Variants in TLDC2 observed in about 807,000 individuals in gnomAD.
The protein encoded by TLDC2 is TLD domain-containing protein 2.
TLDC2 carries 23 observed loss-of-function variants against 27.9 expected under a neutral mutation model. That is an observed-to-expected ratio of 0.82 (90% CI 0.59 to 1.17). The LOEUF is 1.17. Ranked by LOEUF, TLDC2 falls within the 50% of genes most tolerant of loss-of-function variation. TLDC2 has a pLI of 0.00. For missense variants in TLDC2, 286 were observed against 273.4 expected (o/e 1.05, Z -0.32); for synonymous variants, 124 against 107.4 (o/e 1.16, Z -0.96).
Position 36,882,792 on chromosome 20 carries a change from A to G in TLDC2, c.438+2042A>G, listed in dbSNP as rs529023667. 3.9e-5 allele frequency among the ~76,000 whole-genome samples: 6 copies of G among 152,304 alleles called. 1 individual carries two copies. The South Asian group carries it at 6.2e-4, about 16-fold the overall frequency. ...AGGAAAGGGTGAGGGAGGCATGGTG[A>G]GCCAGTGCTGGTACTACTCATCACC... On this transcript the variant is annotated intron_variant, in intron 4 of 6. Transcript: ENST00000217320.
chr20:36,888,151 A>G (rs1200183453), intron 5 of TLDC2, among the ~76,000 whole-genome samples: 1 of 152,094 alleles, frequency 6.6e-6, no homozygotes, highest in Non-Finnish European at 1.5e-5. Flanking sequence ...TCTGTCAAAT[A>G]AGGGGATTAG....
Position 36,880,732 on chromosome 20 carries a change from C to T in TLDC2, c.420C>T (p.Ser140=). ...GTACTGGCGAGACATTCCTCTTCTC[C>T]TTCTCCCCACAGCTGAAGGTGATGT... ...FYGTGETFLF[S]FSPQLKVFKW... is the part of the protein sequence containing the mutation. The change falls in exon 4 of 7, where the codon TCC becomes TCT. Residue 140 remains serine, a synonymous_variant. Transcript: ENST00000217320. 1 of 1,613,420 alleles carries T rather than the reference C, an allele frequency of 6.2e-7. No individual in the cohort carries two copies. Among genetic ancestry groups the T allele is most frequent in the Non-Finnish European group, 8.5e-7 (1 of 1,179,942 alleles).
At chr20:36,889,102 A>G (rs1320053422) in intron 5 of TLDC2, 149 bp from the exon 6 acceptor site, 24 of 954,838 alleles carry the variant, frequency 2.5e-5, no homozygotes, top group South Asian at 7.2e-5. Context: ...TGAGTCCCCA[A>G]TAATTCAGTA....
At chr20:36,889,429 C>T (rs1231828926) in intron 6 of TLDC2, 26 bp downstream of exon 6, 2 of 1,600,024 alleles carry the variant, frequency 1.2e-6, no homozygotes, top group Admixed American at 1.7e-5. Flanking sequence ...CATGATGCCA[C>T]CCAGGCCTTC....
intron 4 of TLDC2, among the ~76,000 whole-genome samples, chr20:36,881,394 A>G (rs1261862966): frequency 3.3e-5 from 5 of 150,702 alleles, no homozygotes; most frequent in East Asian, 3.9e-4. Context: ...AAAAAAAAAA[A>G]GAAATATGGG....
rs1568756644 is a variant in TLDC2 at position 36,893,110 on chromosome 20, T to TG, written c.*266_*267insG. The TG allele has an allele frequency of 6.2e-7, 1 of 1,606,518 alleles. No individual in the cohort carries two copies. Among genetic ancestry groups the TG allele is most frequent in the Admixed American group, 1.7e-5 (1 of 60,002 alleles). Reference sequence around the variant, plus strand: ...AAAACAGGCAATAGAGAAAAGCCAGTTTCCATCATCTTATTTCTGAGTGAA... The same window carrying TG: ...AAAACAGGCAATAGAGAAAAGCCAGTGTTCCATCATCTTATTTCTGAGTGAA... On this transcript the variant is annotated 3_prime_UTR_variant, in exon 7 of 7. Transcript: ENST00000217320.
intron 6 of TLDC2, 53 bp from the exon 7 acceptor site, chr20:36,892,809 T>A: frequency 8.1e-7 from 1 of 1,233,010 alleles, no homozygotes; most frequent in Non-Finnish European, 1.2e-6. Flanking sequence ...AGCTTCAGCA[T>A]GCGTGTACAT....
At chr20:36,878,118 C>T in intron 2 of TLDC2, 64 bp downstream of exon 2, 1 of 1,528,472 alleles carries the variant, frequency 6.5e-7, no homozygotes, top group East Asian at 2.3e-5. Context: ...CCCTCCTGCC[C>T]TACACCAGCC....
intron 5 of TLDC2, among the ~76,000 whole-genome samples, chr20:36,888,977 G>C (rs1172934656): frequency 6.6e-6 from 1 of 152,032 alleles, no homozygotes; most frequent in Non-Finnish European, 1.5e-5. Flanking sequence ...AGCCAGGGTC[G>C]TGCCACTGCA....
chr20:36,876,316 C>T (rs1393063347), intron 1 of TLDC2, 109 bp downstream of exon 1: 4 of 1,407,308 alleles, frequency 2.8e-6, no homozygotes, highest in Non-Finnish European at 4.0e-6. Context: ...GACTTGTTCC[C>T]CTCTCAAGTC....
rs1989945846 is a variant in TLDC2, at chr20:36,887,442, A to G, written c.439-13A>G. The stretch of plus-strand genomic sequence containing the variant: ...CGCTTAGTAACCTGAGCCTTTCCCT[A>G]TGTATCACCCAGGTCTTTAAGTGGA... On this transcript the variant is annotated splice_polypyrimidine_tract_variant and intron_variant, in intron 4 of 6. Transcript: ENST00000217320. 1.2e-6 allele frequency: 2 copies of G among 1,611,856 alleles called. No homozygotes were observed. The highest frequency in any genetic ancestry group is 1.1e-5 in the South Asian group (1 of 91,034).
chr20:36,885,079 G>A (rs999460901), intron 4 of TLDC2, among the ~76,000 whole-genome samples: 12 of 152,082 alleles, frequency 7.9e-5, no homozygotes, highest in Middle Eastern at 3.4e-3. Flanking sequence ...GTTTCACCAC[G>A]TTGGCGAGGC....
At chr20:36,887,356 G>C in intron 4 of TLDC2, 99 bp from the exon 5 acceptor site, 1 of 1,097,532 alleles carries the variant, frequency 9.1e-7, no homozygotes, top group Non-Finnish European at 1.4e-6. Flanking sequence ...CCTGGATGCT[G>C]TTCCCGCCAC....
chr20:36,885,722 T>C (rs1342986970), intron 4 of TLDC2, among the ~76,000 whole-genome samples: 2 of 152,216 alleles, frequency 1.3e-5, no homozygotes, highest in African/African-American at 4.8e-5. Context: ...TAACATCCTA[T>C]CGTTTTGCAG....
intron 1 of TLDC2, among the ~76,000 whole-genome samples, chr20:36,877,631 C>T (rs1443087067): frequency 6.6e-6 from 1 of 152,192 alleles, no homozygotes; most frequent in African/African-American, 2.4e-5. Context: ...CGGCCCACGG[C>T]CCCATCTGAG....
intron 1 of TLDC2, among the ~76,000 whole-genome samples, chr20:36,876,719 A>C (rs1989676643): frequency 6.6e-6 from 1 of 151,998 alleles, no homozygotes; most frequent in Admixed American, 6.6e-5. Context: ...ACTCAAATGC[A>C]CTCACACACT....
intron 3 of TLDC2, among the ~76,000 whole-genome samples, 168 bp from the exon 4 acceptor site, chr20:36,880,487 G>A (rs1157242109): frequency 6.6e-6 from 1 of 152,090 alleles, no homozygotes; most frequent in African/African-American, 2.4e-5. Flanking sequence ...TAAGGGAAAG[G>A]ATGCATAAGG....
Position 36,877,941 on chromosome 20 carries a change from G to C in TLDC2, c.76G>C (p.Glu26Gln). Residue 26 changes from glutamate (E) to glutamine (Q), a missense_variant, in exon 2 of 7, where the codon GAA becomes CAA. Physicochemically the swap from Glu to Gln is conservative, Grantham distance 29. Transcript: ENST00000217320. Reference protein sequence around the residue: ...EDTLSGEEGNEEEEEEEAAPD... With the variant: ...EDTLSGEEGNQEEEEEEAAPD... ...CACCCTGTCTGGGGAGGAGGGTAAC[G>C]AAGAGGAAGAGGAGGAGGAGGCAGC... 2 of 1,614,008 alleles carry C rather than the reference G, an allele frequency of 1.2e-6. No homozygotes were observed. The highest frequency in any genetic ancestry group is 1.3e-5 in the African/African-American group (1 of 75,026).
intron 1 of TLDC2, 91 bp downstream of exon 1, chr20:36,876,298 C>T (rs955320120): frequency 2.3e-5 from 35 of 1,541,538 alleles, no homozygotes; most frequent in Middle Eastern, 1.8e-4. Flanking sequence ...GGGTTGGATG[C>T]GGGCAGTGAC....
Sources: gnomAD v4.1 joint callset for allele counts (sites outside exome capture counted in the v4.1 genomes callset) on GRCh38, gnomAD v4.1.1 for gene constraint, MANE v1.5 for transcripts, NCBI Gene and HGNC (gene_info 2026-07-23, HGNC 2026-07-21) for gene names.